The following CHCHD6 variants were observed in gnomAD, a reference collection of about 807,000 sequenced individuals.
The protein encoded by CHCHD6 is coiled-coil-helix-coiled-coil-helix domain containing 6.
CHCHD6 carries 28 observed loss-of-function variants against 32.3 expected under a neutral mutation model. The ratio of observed to expected loss-of-function variants is 0.87; its 90% confidence interval spans 0.64 to 1.19. CHCHD6 has a LOEUF of 1.19. Among genes scored for constraint, CHCHD6 ranks in the 50% most tolerant of loss-of-function variants. The pLI is 0.00. For missense variants in CHCHD6, 333 were observed against 307.0 expected, an observed-to-expected ratio of 1.08 and a Z score of -0.63; for synonymous variants, 122 against 117.5, an observed-to-expected ratio of 1.04 and a Z score of -0.25.
intron 4 of CHCHD6, among the ~76,000 whole-genome samples, chr3:126,847,046 T>G (rs2107549565): frequency 6.6e-6 from 1 of 152,312 alleles, no homozygotes; most frequent in African/African-American, 2.4e-5. Flanking sequence ...TGATAATCAT[T>G]TTTCTTTTAA....
intron 5 of CHCHD6, among the ~76,000 whole-genome samples, chr3:126,863,323 T>A (rs1324741326): frequency 2.6e-5 from 2 of 76,068 alleles, no homozygotes; most frequent in Admixed American, 1.3e-4. Context: ...CATCACCACC[T>A]CCTCCTCCTC....
At chr3:126,858,113 G>A (rs1941724554) in intron 5 of CHCHD6, among the ~76,000 whole-genome samples, 1 of 152,208 alleles carries the variant, frequency 6.6e-6, no homozygotes. Flanking sequence ...CACAGCTGCA[G>A]GTGCTGCTGT....
intron 4 of CHCHD6, among the ~76,000 whole-genome samples, chr3:126,778,969 G>C (rs968220752): frequency 2.1e-5 from 3 of 140,634 alleles, no homozygotes; most frequent in Non-Finnish European, 4.6e-5. Context: ...GTCTCACTAT[G>C]TTGCCTAGGC....
At chr3:126,748,958 T>C (rs1053087713) in intron 4 of CHCHD6, among the ~76,000 whole-genome samples, 2 of 152,162 alleles carry the variant, frequency 1.3e-5, no homozygotes, top group African/African-American at 2.4e-5. Context: ...AGAGTGATAG[T>C]GATGCCCTAA....
rs1341203579 is a variant in CHCHD6, at chr3:126,957,259, G to A, written c.567-157G>A. 10 of 827,346 alleles carry A rather than the reference G, an allele frequency of 1.2e-5. No individual in the cohort carries two copies. The African/African-American group carries it at 1.4e-4, about 11-fold the overall frequency. 51.3% of individuals were successfully genotyped at this position (827,346 alleles called of 1,614,324 possible). On this transcript the variant is annotated intron_variant, in intron 6 of 7. Coordinates refer to ENST00000290913, the MANE Select transcript of CHCHD6 (RefSeq NM_032343.3). ...GACCGTCCTCTCATTTCTAGAACGGGAAAGCACAGTGCTTCTCCTTGAGGG... is the reference window on the plus strand; with the variant it reads ...GACCGTCCTCTCATTTCTAGAACGGAAAAGCACAGTGCTTCTCCTTGAGGG...
intron 4 of CHCHD6, among the ~76,000 whole-genome samples, chr3:126,834,080 A>AATTACCAAT (rs1487319241): frequency 1.5e-4 from 22 of 149,668 alleles, no homozygotes; most frequent in African/African-American, 5.2e-4. Context: ...AAAAAAAAAG[A>AATTACCAAT]ATTACCAATA....
chr3:126,861,729 C>A (rs1383022855), intron 5 of CHCHD6, among the ~76,000 whole-genome samples: 1 of 139,382 alleles, frequency 7.2e-6, no homozygotes. Flanking sequence ...CCACCTCCCC[C>A]TTCACTACCA....
chr3:126,892,313 C>T (rs1348258089), intron 5 of CHCHD6, among the ~76,000 whole-genome samples: 2 of 152,212 alleles, frequency 1.3e-5, no homozygotes, highest in Non-Finnish European at 2.9e-5. Context: ...AAGCCTCAAA[C>T]AACAGCCATG....
intron 6 of CHCHD6, among the ~76,000 whole-genome samples, chr3:126,955,674 T>C (rs1457460338): frequency 1.3e-5 from 2 of 152,192 alleles, no homozygotes; most frequent in African/African-American, 2.4e-5. Context: ...GTTCATGCCC[T>C]GGGGATGGGT....
intron 5 of CHCHD6, among the ~76,000 whole-genome samples, chr3:126,872,313 A>C (rs578114865): frequency 1.4e-3 from 207 of 152,224 alleles, no homozygotes; most frequent in African/African-American, 4.9e-3. Context: ...ACATGGGAGG[A>C]TTGCTTAAGC....
chr3:126,888,483 C>T (rs1455874048), intron 5 of CHCHD6, among the ~76,000 whole-genome samples: 1 of 152,186 alleles, frequency 6.6e-6, no homozygotes, highest in African/African-American at 2.4e-5. Flanking sequence ...GCCACCAAGC[C>T]ACTCACTGCA....
chr3:126,828,726 C>A (rs553269605), intron 4 of CHCHD6, among the ~76,000 whole-genome samples: 9 of 152,124 alleles, frequency 5.9e-5, no homozygotes, highest in Non-Finnish European at 1.3e-4. Context: ...TTCCAGTACC[C>A]CTTCAGTCCA....
intron 4 of CHCHD6, among the ~76,000 whole-genome samples, chr3:126,768,307 C>T (rs1294814661): frequency 1.3e-5 from 2 of 152,174 alleles, no homozygotes; most frequent in African/African-American, 4.8e-5. Context: ...TGTAAGACAG[C>T]TGTTCCCCCT....
chr3:126,751,934 T>G (rs1402410557), intron 4 of CHCHD6, among the ~76,000 whole-genome samples: 1 of 152,328 alleles, frequency 6.6e-6, no homozygotes, highest in Non-Finnish European at 1.5e-5. Context: ...CTCCAAAGCC[T>G]TGTACCCTGT....
At chr3:126,929,659 G>A (rs1411015218) in intron 6 of CHCHD6, among the ~76,000 whole-genome samples, 1 of 152,122 alleles carries the variant, frequency 6.6e-6, no homozygotes, top group East Asian at 1.9e-4. Context: ...TCTGCCTCCT[G>A]GGTTCAAGCG....
At chr3:126,730,478 G>A in intron 2 of CHCHD6, 83 bp from the exon 3 acceptor site, 1 of 1,119,330 alleles carries the variant, frequency 8.9e-7, no homozygotes, top group South Asian at 1.4e-5. Flanking sequence ...CATTCATGGG[G>A]GTCATTCCTC....
chr3:126,717,090 C>T (rs543003225), intron 1 of CHCHD6, among the ~76,000 whole-genome samples: 80 of 152,264 alleles, frequency 5.3e-4, no homozygotes, highest in African/African-American at 1.8e-3. Context: ...CGGGGTCAGG[C>T]GGCTTTCCCT....
At chr3:126,799,420 A>G (rs1171621166) in intron 4 of CHCHD6, among the ~76,000 whole-genome samples, 3 of 152,216 alleles carry the variant, frequency 2.0e-5, no homozygotes, top group Non-Finnish European at 2.9e-5. Flanking sequence ...CCCTTCTCAT[A>G]AAATGTATTT....
intron 1 of CHCHD6, among the ~76,000 whole-genome samples, chr3:126,721,722 C>T (rs1424659412): frequency 2.3e-5 from 3 of 128,022 alleles, no homozygotes; most frequent in Non-Finnish European, 4.9e-5. Flanking sequence ...CCACCCTCCC[C>T]ACCAAATCCT....
Sources: allele counts gnomAD v4.1 joint callset (sites outside exome capture counted in the v4.1 genomes callset), GRCh38; gene constraint gnomAD v4.1.1; transcripts MANE v1.5; gene names NCBI Gene and HGNC (gene_info 2026-07-23, HGNC 2026-07-21).